FAAH2: variants seen among roughly 807,000 people sequenced by gnomAD.
FAAH2 encodes fatty-acid amide hydrolase 2.
FAAH2 carries 60 observed loss-of-function variants against 36.9 expected under a neutral mutation model. The observed-to-expected ratio is 1.63, with a 90% CI of 1.32 to 2.02. The LOEUF is 2.02. Ranked by LOEUF, FAAH2 falls within the 30% of genes most tolerant of loss-of-function variation. The pLI is 0.00. For missense variants in FAAH2, 689 were observed against 397.5 expected (o/e 1.73, Z -6.23); for synonymous variants, 214 against 143.8 (o/e 1.49, Z -3.49).
intron 8 of FAAH2, among the ~76,000 whole-genome samples, chrX:57,435,753 C>A (rs748124640): frequency 2.7e-5 from 3 of 110,737 alleles, no homozygotes; most frequent in South Asian, 7.6e-4. Context: ...TAGTGTGAGA[C>A]TTCAACTGCG....
intron 3 of FAAH2, among the ~76,000 whole-genome samples, chrX:57,311,210 A>G (rs1463720509): frequency 1.8e-5 from 2 of 112,622 alleles, no homozygotes; most frequent in Admixed American, 1.9e-4. Flanking sequence ...AATCACAAGG[A>G]AATGTTTGAA....
At chrX:57,305,682 A>G (rs1420830223) in intron 2 of FAAH2, among the ~76,000 whole-genome samples, 2 of 111,662 alleles carry the variant, frequency 1.8e-5, no homozygotes, top group Admixed American at 1.9e-4. Flanking sequence ...GTAATCTGGC[A>G]TACCTTAGTT....
At position 57,331,644 on chromosome X, in the gene FAAH2, C is replaced by G; in HGVS notation, c.459C>G (p.Ala153=). The change falls in exon 4 of 11, where the codon GCC becomes GCG. Residue 153 remains alanine (A), a synonymous_variant. Transcript: ENST00000374900. ...TCATGAACCGTCGTGATGCCATTGC[C>G]AAAACAGATGCCACTGTGGTGGCAT... ...SGLMNRRDAI[A]KTDATVVALL... 8.3e-7 allele frequency: 1 copy of G among 1,211,693 alleles called. No individual in the cohort carries two copies. Among genetic ancestry groups the G allele is most frequent in the Non-Finnish European group, 1.1e-6 (1 of 895,408 alleles).
chrX:57,329,530 A>C (rs930874890), intron 3 of FAAH2, among the ~76,000 whole-genome samples: 11 of 109,665 alleles, frequency 1.0e-4, no homozygotes, highest in African/African-American at 3.7e-4. Context: ...ATGGTGGTGC[A>C]GTGGGGGGAA....
the FAAH2 span, among the ~76,000 whole-genome samples, chrX:57,191,315 T>C: frequency 1.4e-3 from 156 of 112,351 alleles, no homozygotes; most frequent in African/African-American, 4.9e-3. Context: ...TCAAATATTT[T>C]GCTCATTTAA....
At chrX:57,290,510 C>T (rs972268762) in intron 1 of FAAH2, among the ~76,000 whole-genome samples, 10 of 111,508 alleles carry the variant, frequency 9.0e-5, no homozygotes, top group Non-Finnish European at 1.9e-4. Context: ...TCATAAATCT[C>T]CCCTGTATCT....
At chrX:57,487,851 T>C (rs1238409233) in intron 10 of FAAH2, among the ~76,000 whole-genome samples, 2 of 112,012 alleles carry the variant, frequency 1.8e-5, no homozygotes, top group Admixed American at 9.6e-5. Flanking sequence ...ATTGCTGATT[T>C]TTGCAGCATA....
At chrX:57,200,691 T>C in the FAAH2 span, among the ~76,000 whole-genome samples, 2,904 of 111,979 alleles carry the variant, frequency 0.026, 84 homozygotes, top group African/African-American at 0.09. Flanking sequence ...CCTTCCACTG[T>C]TTAATTTTTT....
intron 7 of FAAH2, among the ~76,000 whole-genome samples, chrX:57,428,994 T>A (rs2056228718): frequency 9.0e-6 from 1 of 111,281 alleles, no homozygotes; most frequent in Non-Finnish European, 1.9e-5. Flanking sequence ...CAATAAAATA[T>A]TAATAACTAG....
At chrX:57,320,305 CTT>C (rs2052980994) in intron 3 of FAAH2, among the ~76,000 whole-genome samples, 1 of 111,986 alleles carries the variant, frequency 8.9e-6, no homozygotes, top group Non-Finnish European at 1.9e-5. Flanking sequence ...CTACAAGAAA[CTT>C]AAACAAATTT....
At position 57,448,678 on chromosome X, in the gene FAAH2, T is replaced by A. The variant is rs1195919850; in HGVS notation, c.1383T>A (p.His461Gln). Residue 461 changes from histidine to glutamine, a missense_variant, in exon 10 of 11, where the codon CAT (histidine) becomes CAA (glutamine). His to Gln is a conservative substitution (Grantham distance 24). Coordinates refer to ENST00000374900, the MANE Select transcript of FAAH2 (RefSeq NM_174912.4). ...CACATCCCACAGTGGCACCTAAGCATCATGTCCCTCTAACACGGCCTTTCA... is the reference window on the plus strand; with the variant it reads ...CACATCCCACAGTGGCACCTAAGCAACATGTCCCTCTAACACGGCCTTTCA... The part of the protein sequence containing the change: ...YPSHPTVAPK[H>Q]HVPLTRPFNF... 8.3e-7 allele frequency: 1 copy of A among 1,211,380 alleles called. No individual in the cohort carries two copies. The highest frequency in any genetic ancestry group is 1.1e-6 in the Non-Finnish European group (1 of 895,259).
chrX:57,409,217 T>C (rs1172820056), intron 7 of FAAH2, among the ~76,000 whole-genome samples: 5 of 111,821 alleles, frequency 4.5e-5, no homozygotes, highest in African/African-American at 1.6e-4. Context: ...TGCAGCACAT[T>C]GTTGTATTAA....
intron 1 of FAAH2, chrX:57,290,228 T>A: frequency 6.9e-6 from 5 of 723,980 alleles, no homozygotes; most frequent in Non-Finnish European, 8.1e-6. Flanking sequence ...ACGTGCTGCA[T>A]GCTACAAACT....
chrX:57,249,843 T>A, the FAAH2 span, among the ~76,000 whole-genome samples: 2 of 112,280 alleles, frequency 1.8e-5, no homozygotes, highest in Non-Finnish European at 3.8e-5. Context: ...ACAGATTGGA[T>A]GAATCATGAA....
chrX:57,408,987 A>C (rs937836763), intron 7 of FAAH2, among the ~76,000 whole-genome samples: 1 of 111,318 alleles, frequency 9.0e-6, no homozygotes, highest in Non-Finnish European at 1.9e-5. Context: ...AGAAGCATAG[A>C]TGGTATAGCC....
intron 2 of FAAH2, among the ~76,000 whole-genome samples, chrX:57,306,275 G>C (rs1265005251): frequency 9.0e-6 from 1 of 111,018 alleles, no homozygotes; most frequent in African/African-American, 3.3e-5. Context: ...TTAGAGTGCT[G>C]GCCTTTACTC....
chrX:57,315,110 G>A (rs760533367), intron 3 of FAAH2, among the ~76,000 whole-genome samples: 2 of 110,943 alleles, frequency 1.8e-5, no homozygotes, highest in African/African-American at 3.3e-5. Context: ...ATGGAAATAC[G>A]AAAGATTGTC....
At chrX:57,424,608 C>A (rs1455768584) in intron 7 of FAAH2, among the ~76,000 whole-genome samples, 1 of 111,869 alleles carries the variant, frequency 8.9e-6, no homozygotes, top group Non-Finnish European at 1.9e-5. Flanking sequence ...TTGAGAAACA[C>A]ATTAAAACTG....
chrX:57,238,839 T>C, the FAAH2 span, among the ~76,000 whole-genome samples: 2 of 111,424 alleles, frequency 1.8e-5, no homozygotes, highest in Non-Finnish European at 3.8e-5. Flanking sequence ...ATTGTTTCCT[T>C]TTTTGTGTAC....
Sources: allele counts gnomAD v4.1 joint callset (sites outside exome capture counted in the v4.1 genomes callset), GRCh38; gene constraint gnomAD v4.1.1; transcripts MANE v1.5; gene names NCBI Gene and HGNC (gene_info 2026-07-23, HGNC 2026-07-21).